Variants in LRRC28 observed in about 807,000 individuals in gnomAD.
LRRC28 encodes the protein leucine rich repeat containing 28, also known as leucine-rich repeat-containing protein 28.
In LRRC28, 39 loss-of-function variants were observed where a neutral mutation model predicts 45.7. That is an observed-to-expected ratio of 0.85 (90% CI 0.66 to 1.12). The LOEUF is 1.12. Among genes scored for constraint, LRRC28 ranks in the 50% most tolerant of loss-of-function variants. LRRC28 has a pLI of 0.00. For missense variants in LRRC28, 435 were observed against 438.5 expected, an observed-to-expected ratio of 0.99 and a Z score of 0.07; for synonymous variants, 206 against 178.8, an observed-to-expected ratio of 1.15 and a Z score of -1.22.
At chr15:99,373,957 T>C (rs1315538032) in intron 9 of LRRC28, among the ~76,000 whole-genome samples, 2 of 152,204 alleles carry the variant, frequency 1.3e-5, no homozygotes, top group African/African-American at 2.4e-5. Context: ...TTGATCTGTG[T>C]CTATCTCTTA....
chr15:99,286,224 A>G (rs2081955559), intron 3 of LRRC28, among the ~76,000 whole-genome samples: 1 of 152,276 alleles, frequency 6.6e-6, no homozygotes, highest in South Asian at 2.1e-4. Flanking sequence ...TCCGCCTCCC[A>G]GGTTCAAGCA....
intron 5 of LRRC28, among the ~76,000 whole-genome samples, chr15:99,308,456 A>T (rs937824728): frequency 3.9e-5 from 6 of 152,294 alleles, no homozygotes; most frequent in African/African-American, 1.4e-4. Flanking sequence ...CGCTTAAGCT[A>T]GGAGTTCAAG....
intron 3 of LRRC28, chr15:99,285,840 A>G (rs1263509071): frequency 1.3e-5 from 5 of 394,658 alleles, no homozygotes; most frequent in African/African-American, 6.3e-5. Flanking sequence ...TGATTTAGGT[A>G]TTCCTTCCTA....
chr15:99,325,973 G>C (rs1002308104), intron 5 of LRRC28, among the ~76,000 whole-genome samples: 13 of 152,264 alleles, frequency 8.5e-5, no homozygotes, highest in African/African-American at 2.9e-4. Flanking sequence ...CAATGGGAAG[G>C]CTTGTTGGTT....
chr15:99,270,296 A>G (rs986492719), intron 2 of LRRC28, among the ~76,000 whole-genome samples: 4 of 152,204 alleles, frequency 2.6e-5, no homozygotes, highest in Non-Finnish European at 4.4e-5. Flanking sequence ...ATAACATAAA[A>G]TTAATCCTAT....
Position 99,287,854 on chromosome 15 carries a change from T to C in LRRC28, c.288T>C (p.Ser96=), listed in dbSNP as rs376667266. Residue 96 remains serine (S), a synonymous_variant, in exon 5 of 10, where the codon AGT becomes AGC. Transcript: ENST00000301981. ...SLVKLQCLDL[S]DNALEIVCPE... ...TAAAACTCCAATGTCTGGATCTTAG[T>C]GACAATGCCTTAGAAATTGTTTGCC... 3.4e-5 allele frequency: 55 copies of C among 1,613,580 alleles called. No individual in the cohort carries two copies. The highest frequency in any genetic ancestry group is 2.0e-4 in the Admixed American group (12 of 59,944).
chr15:99,349,115 T>C (rs180730972), intron 6 of LRRC28, among the ~76,000 whole-genome samples: 2 of 152,302 alleles, frequency 1.3e-5, no homozygotes, highest in African/African-American at 4.8e-5. Context: ...ATTTTATACG[T>C]TGAAATGTAT....
intron 5 of LRRC28, among the ~76,000 whole-genome samples, chr15:99,318,419 A>G (rs986293405): frequency 2.0e-5 from 3 of 152,116 alleles, no homozygotes; most frequent in African/African-American, 7.2e-5. Context: ...AGGCACCATT[A>G]AATAATTAAT....
chr15:99,306,823 C>T (rs1463073140), intron 5 of LRRC28, among the ~76,000 whole-genome samples: 13 of 149,602 alleles, frequency 8.7e-5, no homozygotes, highest in Admixed American at 6.7e-4. Flanking sequence ...GGTTGGTCTG[C>T]AGCAGTTTCT....
At chr15:99,341,034 A>G (rs1012981789) in intron 6 of LRRC28, among the ~76,000 whole-genome samples, 4 of 149,370 alleles carry the variant, frequency 2.7e-5, no homozygotes, top group Non-Finnish European at 5.9e-5. Context: ...TGTAACAAAA[A>G]CTCTTCTTTA....
intron 6 of LRRC28, among the ~76,000 whole-genome samples, chr15:99,341,669 A>G (rs894393099): frequency 2.0e-5 from 3 of 152,200 alleles, no homozygotes; most frequent in Non-Finnish European, 2.9e-5. Flanking sequence ...TCTCCCAAAT[A>G]TCAATTAAGA....
chr15:99,347,656 A>T (rs987075358), intron 6 of LRRC28, among the ~76,000 whole-genome samples: 1 of 152,142 alleles, frequency 6.6e-6, no homozygotes, highest in Non-Finnish European at 1.5e-5. Flanking sequence ...TATGTACCAC[A>T]TTTCTTTATC....
chr15:99,285,551 G>A (rs926964496), intron 3 of LRRC28: 20 of 1,018,074 alleles, frequency 2.0e-5, no homozygotes, highest in Non-Finnish European at 2.2e-5. Flanking sequence ...AGCTGTTCGG[G>A]CTCTTTAGGA....
chr15:99,354,761 A>C (rs1250629196), intron 7 of LRRC28, among the ~76,000 whole-genome samples: 3 of 152,234 alleles, frequency 2.0e-5, no homozygotes, highest in Admixed American at 6.5e-5. Context: ...GGTAATATTT[A>C]ATCTGAGACC....
chr15:99,322,133 A>C (rs757268085), intron 5 of LRRC28, among the ~76,000 whole-genome samples: 1 of 152,188 alleles, frequency 6.6e-6, no homozygotes, highest in Non-Finnish European at 1.5e-5. Flanking sequence ...AGAAGGAAGG[A>C]CAAGGTAATT....
rs1957254540 is a variant in LRRC28, at chr15:99,363,237, G to C, written c.1003G>C (p.Glu335Gln). Residue 335 changes from glutamate to glutamine, a missense_variant, in exon 9 of 10, where the codon GAG (glutamate) becomes CAG (glutamine). Transcript: ENST00000301981. ...CTACCCCAAGCTCTTTCCCTTGAGA[G>C]AGACGCCAATGGCAGGGCTGCACCA... ...IVYPKLFPLR[E>Q]TPMAGLHQWK... 1.9e-6 allele frequency: 3 copies of C among 1,614,034 alleles called. No individual in the cohort carries two copies. The highest frequency in any genetic ancestry group is 2.5e-6 in the Non-Finnish European group (3 of 1,179,916).
chr15:99,357,946 A>G (rs1957091828), intron 7 of LRRC28, among the ~76,000 whole-genome samples: 1 of 152,134 alleles, frequency 6.6e-6, no homozygotes, highest in African/African-American at 2.4e-5. Context: ...CACCACTGCC[A>G]TCTGTCTAAT....
At chr15:99,375,436 G>T (rs1046716562) in intron 9 of LRRC28, among the ~76,000 whole-genome samples, 8 of 152,080 alleles carry the variant, frequency 5.3e-5, no homozygotes, top group African/African-American at 1.9e-4. Context: ...TTCTGTTTTT[G>T]TATTATCCTT....
chr15:99,332,956 G>A (rs534922222), intron 5 of LRRC28, among the ~76,000 whole-genome samples: 4 of 152,176 alleles, frequency 2.6e-5, no homozygotes, highest in East Asian at 1.9e-4. Flanking sequence ...GGAATGACTC[G>A]GGAACAGGGA....
Sources: gnomAD v4.1 joint callset for allele counts (sites outside exome capture counted in the v4.1 genomes callset) on GRCh38, gnomAD v4.1.1 for gene constraint, MANE v1.5 for transcripts, NCBI Gene and HGNC (gene_info 2026-07-23, HGNC 2026-07-21) for gene names.